The following TNFSF4 variants were observed in gnomAD, a reference collection of about 807,000 sequenced individuals.
TNFSF4 encodes TNF superfamily member 4.
TNFSF4 carries 4 observed loss-of-function variants against 7.3 expected under a neutral mutation model. The ratio of observed to expected loss-of-function variants is 0.55; its 90% CI spans 0.27 to 1.25. TNFSF4 has a LOEUF of 1.25. TNFSF4 is among the 50% of genes most tolerant of loss of function. The pLI is 0.12. For missense variants in TNFSF4, 181 were observed against 208.8 expected (o/e 0.87, Z 0.82); for synonymous variants, 76 against 83.7 (o/e 0.91, Z 0.50).
chr1:173,346,953 T>C, the TNFSF4 span, among the ~76,000 whole-genome samples: 1 of 152,236 alleles, frequency 6.6e-6, no homozygotes, highest in Non-Finnish European at 1.5e-5. Context: ...ATAACTAGTA[T>C]TCAAGTAAGA....
chr1:173,240,397 T>C, the TNFSF4 span, among the ~76,000 whole-genome samples: 1 of 152,254 alleles, frequency 6.6e-6, no homozygotes, highest in Non-Finnish European at 1.5e-5. Context: ...TTAAAATATA[T>C]GGCATGTTTC....
the TNFSF4 span, among the ~76,000 whole-genome samples, chr1:173,358,587 T>C: frequency 9.8e-5 from 15 of 152,326 alleles, no homozygotes; most frequent in African/African-American, 3.4e-4. Context: ...CATACATATG[T>C]TCATTAAAGC....
chr1:173,425,553 T>G, the TNFSF4 span, among the ~76,000 whole-genome samples: 1 of 152,158 alleles, frequency 6.6e-6, no homozygotes, highest in Non-Finnish European at 1.5e-5. Context: ...GCCATTAACA[T>G]AACTAGTGAT....
chr1:173,389,376 T>C, the TNFSF4 span, among the ~76,000 whole-genome samples: 3 of 152,208 alleles, frequency 2.0e-5, no homozygotes, highest in African/African-American at 4.8e-5. Context: ...ATGTTAAATA[T>C]CTAAATAATT....
At chr1:173,204,142 G>A (rs184096643) in intron 1 of TNFSF4, among the ~76,000 whole-genome samples, 1 of 152,146 alleles carries the variant, frequency 6.6e-6, no homozygotes, top group Admixed American at 6.5e-5. Flanking sequence ...CTTCTTAGGA[G>A]CCAGGAAATC....
the TNFSF4 span, among the ~76,000 whole-genome samples, chr1:173,432,817 T>C: frequency 1.3e-5 from 2 of 152,202 alleles, no homozygotes; most frequent in South Asian, 2.1e-4. Flanking sequence ...AGCAATTTCT[T>C]AGGTAAATTT....
At chr1:173,378,033 T>G in the TNFSF4 span, among the ~76,000 whole-genome samples, 5 of 152,208 alleles carry the variant, frequency 3.3e-5, no homozygotes, top group African/African-American at 1.2e-4. Flanking sequence ...AAATCCAATT[T>G]TTCTTGGTCC....
At chr1:173,268,584 G>A in the TNFSF4 span, among the ~76,000 whole-genome samples, 2 of 152,028 alleles carry the variant, frequency 1.3e-5, no homozygotes, top group African/African-American at 4.8e-5. Flanking sequence ...CTTAAAAAAT[G>A]TGTAAGTTAC....
chr1:173,375,819 A>G, the TNFSF4 span, among the ~76,000 whole-genome samples: 1 of 152,138 alleles, frequency 6.6e-6, no homozygotes, highest in Non-Finnish European at 1.5e-5. Context: ...ACACTGTGGA[A>G]GCTTTGTTCT....
chr1:173,408,917 G>A, the TNFSF4 span, among the ~76,000 whole-genome samples: 3 of 152,068 alleles, frequency 2.0e-5, no homozygotes, highest in Admixed American at 1.3e-4. Context: ...TAGTCTCAAA[G>A]TACCTTCCGT....
chr1:173,431,955 G>A, the TNFSF4 span, among the ~76,000 whole-genome samples: 1 of 152,184 alleles, frequency 6.6e-6, no homozygotes, highest in African/African-American at 2.4e-5. Context: ...CTTGATAATA[G>A]TAGCAAAGTG....
At chr1:173,219,640 C>CAATCAACA in the TNFSF4 span, among the ~76,000 whole-genome samples, 2 of 151,102 alleles carry the variant, frequency 1.3e-5, no homozygotes, top group Non-Finnish European at 2.9e-5. Context: ...AAATGCCCAT[C>CAATCAACA]AATCAACAAG....
the TNFSF4 span, among the ~76,000 whole-genome samples, chr1:173,266,762 CA>C: frequency 1.3e-5 from 2 of 152,022 alleles, no homozygotes; most frequent in African/African-American, 2.4e-5. Flanking sequence ...AATACATATC[CA>C]AAAAATAATA....
At chr1:173,382,851 C>T in the TNFSF4 span, among the ~76,000 whole-genome samples, 3 of 149,232 alleles carry the variant, frequency 2.0e-5, no homozygotes, top group Non-Finnish European at 4.4e-5. Flanking sequence ...GGGTGGGGCA[C>T]CATTCTAAGA....
chr1:173,346,799 C>T, the TNFSF4 span, among the ~76,000 whole-genome samples: 3 of 151,940 alleles, frequency 2.0e-5, no homozygotes, highest in South Asian at 4.2e-4. Flanking sequence ...AAAAGAAAGC[C>T]ATTATATTAT....
At chr1:173,434,345 C>T in the TNFSF4 span, among the ~76,000 whole-genome samples, 307 of 152,188 alleles carry the variant, frequency 2.0e-3, 4 homozygotes, top group African/African-American at 7.2e-3. Context: ...TACAATTTAT[C>T]CTAAAGCATT....
chr1:173,219,020 C>CT, the TNFSF4 span, among the ~76,000 whole-genome samples: 165 of 151,214 alleles, frequency 1.1e-3, no homozygotes, highest in East Asian at 3.9e-3. Context: ...TATTCAAATT[C>CT]TTTTTTTTTC....
chr1:173,376,011 C>T, the TNFSF4 span, among the ~76,000 whole-genome samples: 1 of 152,134 alleles, frequency 6.6e-6, no homozygotes, highest in African/African-American at 2.4e-5. Flanking sequence ...TGTGCTTGGT[C>T]CCTCTGGCTT....
the TNFSF4 span, among the ~76,000 whole-genome samples, chr1:173,227,756 A>G: frequency 6.6e-6 from 1 of 152,226 alleles, no homozygotes; most frequent in African/African-American, 2.4e-5. Flanking sequence ...TGCTTTTCCA[A>G]TGGTCTTAGC....
Sources: gnomAD v4.1 joint callset for allele counts (sites outside exome capture counted in the v4.1 genomes callset) on GRCh38, gnomAD v4.1.1 for gene constraint, MANE v1.5 for transcripts, NCBI Gene and HGNC (gene_info 2026-07-23, HGNC 2026-07-21) for gene names.